The following SLAIN1 variants were observed in gnomAD, a reference collection of about 807,000 sequenced individuals.
SLAIN1 encodes the protein SLAIN motif-containing protein 1.
In SLAIN1, 17 loss-of-function variants were observed where a neutral mutation model predicts 55.4. That is an observed-to-expected ratio of 0.31 (90% CI 0.21 to 0.46). The LOEUF is 0.46. Among genes scored for constraint, SLAIN1 ranks in the 20% least tolerant of loss-of-function variants. SLAIN1 has a pLI of 1.00. For missense variants in SLAIN1, 682 were observed against 785.1 expected, an observed-to-expected ratio of 0.87 and a Z score of 1.57; for synonymous variants, 348 against 337.4, an observed-to-expected ratio of 1.03 and a Z score of -0.35.
At chr13:77,714,936 C>T (rs2091191745) in intron 1 of SLAIN1, among the ~76,000 whole-genome samples, 1 of 152,128 alleles carries the variant, frequency 6.6e-6, no homozygotes, top group Non-Finnish European at 1.5e-5. Flanking sequence ...GGCACTATCT[C>T]AGCTCACTGC....
intron 4 of SLAIN1, among the ~76,000 whole-genome samples, chr13:77,750,426 G>A (rs1874128691): frequency 1.3e-5 from 2 of 152,082 alleles, no homozygotes; most frequent in African/African-American, 4.8e-5. Flanking sequence ...AGTGAAAATA[G>A]TCTAGTACTG....
chr13:77,710,529 C>T (rs1277706154), intron 1 of SLAIN1, among the ~76,000 whole-genome samples: 1 of 152,174 alleles, frequency 6.6e-6, no homozygotes, highest in Non-Finnish European at 1.5e-5. Flanking sequence ...ATCAGTGCAA[C>T]AAGAAGAGCT....
intron 2 of SLAIN1, among the ~76,000 whole-genome samples, chr13:77,723,786 A>G (rs2091283429): frequency 6.6e-6 from 1 of 152,074 alleles, no homozygotes; most frequent in Admixed American, 6.6e-5. Flanking sequence ...ATTTCTTTGT[A>G]TTCGTAGCCC....
chr13:77,708,624 C>T (rs2091113958), intron 1 of SLAIN1, among the ~76,000 whole-genome samples: 2 of 152,166 alleles, frequency 1.3e-5, no homozygotes, highest in South Asian at 4.1e-4. Context: ...CATACAGAGT[C>T]TGGAGTGGAC....
intron 2 of SLAIN1, among the ~76,000 whole-genome samples, chr13:77,738,558 CCCT>C (rs747688226): frequency 3.3e-5 from 5 of 152,024 alleles, no homozygotes; most frequent in Non-Finnish European, 7.4e-5. Context: ...CTAATGCTGT[CCCT>C]CCTCCTACCA....
chr13:77,734,132 A>C (rs1263829769), intron 2 of SLAIN1, among the ~76,000 whole-genome samples: 1 of 152,084 alleles, frequency 6.6e-6, no homozygotes, highest in Non-Finnish European at 1.5e-5. Context: ...ATATAATATC[A>C]CCTAAGAAGT....
chr13:77,740,256 G>A (rs914646024), intron 2 of SLAIN1, among the ~76,000 whole-genome samples: 1 of 152,082 alleles, frequency 6.6e-6, no homozygotes, highest in Non-Finnish European at 1.5e-5. Flanking sequence ...TCAGGGCAGT[G>A]TTGGTGGCTG....
intron 5 of SLAIN1, 142 bp from the exon 6 acceptor site, chr13:77,760,686 C>G: frequency 1.2e-6 from 1 of 831,984 alleles, no homozygotes; most frequent in Non-Finnish European, 1.9e-6. Context: ...TTTCTCAGTG[C>G]TGTCTGGAAC....
chr13:77,700,294 T>G (rs2091018178), intron 1 of SLAIN1, among the ~76,000 whole-genome samples: 1 of 152,214 alleles, frequency 6.6e-6, no homozygotes, highest in Non-Finnish European at 1.5e-5. Context: ...GGTATTAGTA[T>G]ATTAGCTCTT....
chr13:77,746,483 ATACATTAGAG>A, intron 3 of SLAIN1, 21 bp from the exon 4 acceptor site: 1 of 1,536,820 alleles, frequency 6.5e-7, no homozygotes. Flanking sequence ...CTAGATCAAA[ATACATTAGAG>A]TACTATTTGT....
chr13:77,746,943 T>A (rs1378069702), intron 4 of SLAIN1, 88 bp downstream of exon 4: 1 of 1,219,044 alleles, frequency 8.2e-7, no homozygotes, highest in Admixed American at 2.6e-5. Context: ...GTTTTTGTTT[T>A]TGAGACAGAA....
chr13:77,753,283 A>G lies in SLAIN1; in HGVS notation c.1339A>G (p.Thr447Ala). Residue 447 changes from threonine (T) to alanine (A), a missense_variant, in exon 5 of 7, where the codon ACC (threonine) becomes GCC (alanine). By Grantham distance (58) the Thr-to-Ala change is moderately conservative (BLOSUM62 0). Transcript: ENST00000418532. ...TAGTAGCAACATTAGTTCTCCGGTC[A>G]CCGTGCGAAATAGTCAGAGTTTTGA... ...AISSNISSPV[T>A]VRNSQSFDSS... 5.6e-6 allele frequency: 9 copies of G among 1,613,210 alleles called. No individual in the cohort carries two copies. Among genetic ancestry groups the G allele is most frequent in the Non-Finnish European group, 7.6e-6 (9 of 1,179,564 alleles).
chr13:77,742,915 T>A, intron 2 of SLAIN1: 1 of 746,590 alleles, frequency 1.3e-6, no homozygotes, highest in Non-Finnish European at 1.8e-6. Flanking sequence ...AAAAGTTGCT[T>A]TGTCTTTTTT....
At chr13:77,752,288 CTTTTTTT>C (rs79381085) in intron 4 of SLAIN1, among the ~76,000 whole-genome samples, 1 of 94,208 alleles carries the variant, frequency 1.1e-5, no homozygotes, top group Non-Finnish European at 2.3e-5. Context: ...TTCTAGGGTT[CTTTTTTT>C]TTTTTTTTTT....
chr13:77,761,939 G>C (rs1875059681), intron 6 of SLAIN1, among the ~76,000 whole-genome samples: 2 of 152,274 alleles, frequency 1.3e-5, no homozygotes, highest in South Asian at 2.1e-4. Flanking sequence ...GAAGGAGAAG[G>C]AGAAAACCAT....
rs1390595281 is a variant in SLAIN1 at position 77,697,885 on chromosome 13, C to T, written c.-29C>T. The T allele has an allele frequency of 2.3e-6, 3 of 1,325,754 alleles. No homozygotes were observed. The highest frequency in any genetic ancestry group is 3.6e-5 in the East Asian group (1 of 28,088). The allele number at this position is 1,325,754 out of a possible 1,614,324, so 82.1% of individuals were successfully genotyped here. Reference sequence around the variant, plus strand: ...AGCCGGCGCGGCGGCGCGCACTCCCCGGCGGCCGCGGCGCCCTCGGGGCCC... The same window carrying T: ...AGCCGGCGCGGCGGCGCGCACTCCCTGGCGGCCGCGGCGCCCTCGGGGCCC... On this transcript the variant is annotated 5_prime_UTR_variant, in exon 1 of 7. Coordinates refer to ENST00000418532, the MANE Select transcript of SLAIN1 (RefSeq NM_001242868.2).
intron 2 of SLAIN1, among the ~76,000 whole-genome samples, chr13:77,726,251 T>A (rs1431422589): frequency 6.6e-6 from 1 of 152,192 alleles, no homozygotes; most frequent in Non-Finnish European, 1.5e-5. Context: ...TCACTGTTTT[T>A]AAAATATTGC....
At position 77,698,210 on chromosome 13, in the gene SLAIN1, G is replaced by A. The variant is rs1162589100; in HGVS notation, c.297G>A (p.Gly99=). 1.6e-6 allele frequency: 2 copies of A among 1,283,246 alleles called. No individual in the cohort carries two copies. The highest frequency in any genetic ancestry group is 7.4e-5 in the Admixed American group (2 of 26,950). 79.5% of individuals were successfully genotyped at this position (1,283,246 alleles called of 1,614,324 possible). A position where few individuals can be genotyped will look rare whatever the true frequency, so the allele number is the denominator to read the frequency against. Residue 99 remains glycine (G), a synonymous_variant, in exon 1 of 7, where the codon GGG becomes GGA. Transcript: ENST00000418532. This position sits in a 1 kb window ranked among gnomAD's most constrained non-coding sequence, Gnocchi z 4.1. The part of the protein sequence containing the change: ...TAAASGGLGL[G]LALGAGGGGG... ...CGGCCTCAGGGGGCCTGGGGCTCGGGCTGGCGCTGGGCGCGGGGGGCGGTG... is the reference window on the plus strand; with the variant it reads ...CGGCCTCAGGGGGCCTGGGGCTCGGACTGGCGCTGGGCGCGGGGGGCGGTG...
intron 2 of SLAIN1, among the ~76,000 whole-genome samples, chr13:77,732,540 T>G (rs909596011): frequency 3.3e-5 from 5 of 152,166 alleles, no homozygotes; most frequent in Non-Finnish European, 5.9e-5. Flanking sequence ...TAGATCAGTC[T>G]TCTTCTTTGT....
Sources: gnomAD v4.1 joint callset for allele counts (sites outside exome capture counted in the v4.1 genomes callset) on GRCh38, gnomAD v4.1.1 for gene constraint, Gnocchi (gnomAD v3.1) non-coding constraint, MANE v1.5 for transcripts, NCBI Gene and HGNC (gene_info 2026-07-23, HGNC 2026-07-21) for gene names.